TRPS1: variants seen among roughly 807,000 people sequenced by gnomAD.
The protein encoded by TRPS1 is transcriptional repressor GATA binding 1.
TRPS1 carries 6 observed loss-of-function variants against 101.2 expected under a neutral mutation model. The ratio of observed to expected loss-of-function variants is 0.06; its 90% CI spans 0.03 to 0.12. TRPS1 has a LOEUF of 0.12. Ranked by LOEUF, TRPS1 falls within the 10% of genes least tolerant of loss-of-function variation. The probability of loss-of-function intolerance (pLI) is 1.00; values close to 1 mark genes in which losing one functional copy is unlikely to be tolerated. For missense variants in TRPS1, 1,363 were observed against 1,567.0 expected, an observed-to-expected ratio of 0.87 and a Z score of 2.20; for synonymous variants, 578 against 589.8, an observed-to-expected ratio of 0.98 and a Z score of 0.29.
At chr8:115,513,934 A>G in intron 5 of TRPS1, among the ~76,000 whole-genome samples, 1 of 151,704 alleles carries the variant, frequency 6.6e-6, no homozygotes. Context: ...GAGTCAGATT[A>G]TGGTACACAA....
chr8:115,622,008 T>C (rs1170284007), intron 2 of TRPS1, among the ~76,000 whole-genome samples: 3 of 152,078 alleles, frequency 2.0e-5, no homozygotes, highest in East Asian at 1.9e-4. Context: ...CAAATACCTA[T>C]AAAAGCTCCC....
At chr8:115,587,916 G>A (rs1817605014) in intron 4 of TRPS1, among the ~76,000 whole-genome samples, 1 of 152,166 alleles carries the variant, frequency 6.6e-6, no homozygotes, top group South Asian at 2.1e-4. Flanking sequence ...CAGGTGATTA[G>A]CATTAAAACT....
At chr8:115,586,611 C>A (rs1817565609) in intron 5 of TRPS1, among the ~76,000 whole-genome samples, 1 of 152,162 alleles carries the variant, frequency 6.6e-6, no homozygotes, top group Non-Finnish European at 1.5e-5. Flanking sequence ...TCCTTATTAA[C>A]CATATATTGT....
At chr8:115,531,566 G>C (rs528266703) in intron 5 of TRPS1, among the ~76,000 whole-genome samples, 1 of 152,288 alleles carries the variant, frequency 6.6e-6, no homozygotes, top group South Asian at 2.1e-4. Flanking sequence ...TCAAAGGCTA[G>C]TGTGGAAGTC....
chr8:115,504,270 A>G (rs1383819307), intron 5 of TRPS1, among the ~76,000 whole-genome samples: 1 of 152,174 alleles, frequency 6.6e-6, no homozygotes, highest in African/African-American at 2.4e-5. Flanking sequence ...AACTAGGCAC[A>G]ATGAGTCCAG....
intron 5 of TRPS1, among the ~76,000 whole-genome samples, chr8:115,530,178 A>G (rs1409662047): frequency 6.6e-6 from 1 of 152,162 alleles, no homozygotes; most frequent in Non-Finnish European, 1.5e-5. Context: ...TAATGTCATG[A>G]TAATATTCCA....
In TRPS1 at chr8:115,437,071, G is replaced by A. The variant is rs140524309; in HGVS notation, c.2701-18619C>T. 1.1e-4 allele frequency among the ~76,000 whole-genome samples: 17 copies of A among 152,226 alleles called. No homozygotes were observed. In the East Asian group the frequency reaches 2.5e-3, roughly 22 times the overall value. On this transcript the variant is annotated intron_variant, in intron 5 of 6. Transcript: ENST00000395715. ...CTGACCACATTTGAGTAGTCCATCC[G>A]TGCCATCTAGTATTTACTTTGGTTT...
chr8:115,601,049 C>T (rs1298136506), intron 4 of TRPS1, among the ~76,000 whole-genome samples: 1 of 152,086 alleles, frequency 6.6e-6, no homozygotes, highest in Non-Finnish European at 1.5e-5. Flanking sequence ...GCAACAGAAT[C>T]GACACTGAGG....
At chr8:115,637,942 T>A (rs1174616289) in intron 1 of TRPS1, among the ~76,000 whole-genome samples, 4 of 152,198 alleles carry the variant, frequency 2.6e-5, no homozygotes, top group African/African-American at 4.8e-5. Flanking sequence ...TAAGTTCTTA[T>A]ACCTGTAGCA....
chr8:115,588,405 G>A (rs867739443), intron 4 of TRPS1, among the ~76,000 whole-genome samples: 3 of 152,160 alleles, frequency 2.0e-5, no homozygotes, highest in Non-Finnish European at 4.4e-5. Context: ...TGTCTGTTGA[G>A]TGTCAAACAC....
At chr8:115,449,098 T>G (rs1339024775) in intron 5 of TRPS1, among the ~76,000 whole-genome samples, 1 of 152,204 alleles carries the variant, frequency 6.6e-6, no homozygotes, top group Non-Finnish European at 1.5e-5. Flanking sequence ...AAGGTCATTA[T>G]TTGATTATAT....
intron 4 of TRPS1, among the ~76,000 whole-genome samples, chr8:115,601,687 C>T (rs2130484114): frequency 6.6e-6 from 1 of 152,296 alleles, no homozygotes; most frequent in African/African-American, 2.4e-5. Context: ...TCAAAATGAA[C>T]AGACAACTGT....
chr8:115,453,794 T>C (rs1047737652), intron 5 of TRPS1, among the ~76,000 whole-genome samples: 5 of 152,224 alleles, frequency 3.3e-5, no homozygotes, highest in Non-Finnish European at 7.3e-5. Context: ...AATTAGAGTA[T>C]ATAAAATGTA....
chr8:115,562,828 G>A (rs1816976577), intron 5 of TRPS1, among the ~76,000 whole-genome samples: 1 of 148,158 alleles, frequency 6.7e-6, no homozygotes, highest in East Asian at 2.1e-4. Flanking sequence ...AGATAATGTG[G>A]ATATAAACCA....
intron 5 of TRPS1, among the ~76,000 whole-genome samples, chr8:115,555,224 C>A (rs1563599524): frequency 6.6e-6 from 1 of 152,078 alleles, no homozygotes; most frequent in African/African-American, 2.4e-5. Context: ...TTCTGTACTG[C>A]TAACTTCGCT....
At chr8:115,509,631 C>A (rs184137282) in intron 5 of TRPS1, 42 of 152,130 alleles carry the variant, frequency 2.8e-4, no homozygotes, top group African/African-American at 9.4e-4. Flanking sequence ...CCAGAATTTG[C>A]ACTAGGGAAG....
Position 115,619,115 on chromosome 8 carries a change from C to A in TRPS1, c.966+17G>T. On this transcript the variant is annotated intron_variant, in intron 3 of 6. Transcript: ENST00000395715. ...TAATAACTTTTTCTGTACAAAGAGA[C>A]AATACAAAGTACAAACCTGCACATC... The A allele has an allele frequency of 4.3e-6, 7 of 1,613,176 alleles. No homozygotes were observed. Among genetic ancestry groups the A allele is most frequent in the Non-Finnish European group, 5.1e-6 (6 of 1,179,370 alleles).
intron 1 of TRPS1, among the ~76,000 whole-genome samples, chr8:115,654,581 C>G (rs1239806656): frequency 6.6e-6 from 1 of 152,112 alleles, no homozygotes; most frequent in Non-Finnish European, 1.5e-5. Flanking sequence ...TTCAAATGGA[C>G]TATTTTTAAA....
At chr8:115,613,308 G>T (rs1053997322) in intron 3 of TRPS1, among the ~76,000 whole-genome samples, 1 of 152,098 alleles carries the variant, frequency 6.6e-6, no homozygotes, top group African/African-American at 2.4e-5. Context: ...TACTGATTTC[G>T]AATAGAAGCT....
Sources: allele counts gnomAD v4.1 joint callset (sites outside exome capture counted in the v4.1 genomes callset), GRCh38; gene constraint gnomAD v4.1.1; transcripts MANE v1.5; gene names NCBI Gene and HGNC (gene_info 2026-07-23, HGNC 2026-07-21).